The following PTPRG variants were observed in gnomAD, a reference collection of about 807,000 sequenced individuals.
The protein encoded by PTPRG is protein tyrosine phosphatase receptor type G.
In PTPRG, 102 loss-of-function variants were observed where a neutral mutation model predicts 165.3. That is an observed-to-expected ratio of 0.62 (90% CI 0.53 to 0.73). The LOEUF is 0.73. PTPRG is among the 30% of genes least tolerant of loss of function. PTPRG has a pLI of 0.00. For synonymous variants in PTPRG, 675 were observed against 669.5 expected, an observed-to-expected ratio of 1.01 and a Z score of -0.13; for missense variants, 1,866 against 1,861.4, an observed-to-expected ratio of 1.00 and a Z score of -0.05.
intron 1 of PTPRG, among the ~76,000 whole-genome samples, chr3:61,733,377 C>G (rs2032592340): frequency 6.6e-6 from 1 of 152,152 alleles, no homozygotes; most frequent in South Asian, 2.1e-4. Context: ...ATTCATTTCT[C>G]TGTCATGTGC....
chr3:61,855,324 A>C (rs548106975), intron 2 of PTPRG, among the ~76,000 whole-genome samples: 3 of 152,098 alleles, frequency 2.0e-5, no homozygotes, highest in Non-Finnish European at 4.4e-5. Flanking sequence ...TGGGTTTTGT[A>C]GTCATCTCAT....
chr3:61,676,193 C>T (rs1457836366), intron 1 of PTPRG, among the ~76,000 whole-genome samples: 1 of 151,986 alleles, frequency 6.6e-6, no homozygotes, highest in Non-Finnish European at 1.5e-5. Flanking sequence ...CACAGTGGCT[C>T]ACGCCTGTAA....
intron 1 of PTPRG, among the ~76,000 whole-genome samples, chr3:61,611,579 C>T (rs980229267): frequency 6.6e-6 from 1 of 152,072 alleles, no homozygotes; most frequent in Non-Finnish European, 1.5e-5. Flanking sequence ...TCTAGTGGGC[C>T]TTCAGTTTAT....
chr3:61,772,571 C>G (rs954375768), intron 2 of PTPRG, among the ~76,000 whole-genome samples: 1 of 152,030 alleles, frequency 6.6e-6, no homozygotes, highest in Non-Finnish European at 1.5e-5. Context: ...TGTACATACA[C>G]TCTTTTCTTT....
intron 7 of PTPRG, among the ~76,000 whole-genome samples, chr3:62,164,796 T>A (rs1316153368): frequency 6.6e-6 from 1 of 152,198 alleles, no homozygotes; most frequent in Non-Finnish European, 1.5e-5. Context: ...AGAAATAAAC[T>A]TTTTAGGAGA....
chr3:61,628,750 G>A (rs1701685336), intron 1 of PTPRG, among the ~76,000 whole-genome samples: 1 of 152,160 alleles, frequency 6.6e-6, no homozygotes, highest in Admixed American at 6.5e-5. Context: ...GAGGTGAACA[G>A]CTACCACTCA....
intron 1 of PTPRG, 119 bp from the exon 2 acceptor site, chr3:61,748,759 A>G: frequency 1.5e-6 from 1 of 686,524 alleles, no homozygotes; most frequent in Non-Finnish European, 2.4e-6. Flanking sequence ...AGTTGGTTCT[A>G]GTCAGTCATC....
intron 4 of PTPRG, among the ~76,000 whole-genome samples, chr3:62,026,369 T>G (rs2041804169): frequency 6.6e-6 from 1 of 152,178 alleles, no homozygotes; most frequent in African/African-American, 2.4e-5. Flanking sequence ...GCTCTTATGT[T>G]CCATGTGTCT....
At position 62,201,455 on chromosome 3, in the gene PTPRG, G is replaced by C. The variant is rs567328140; in HGVS notation, c.1328-50G>C. On this transcript the variant is annotated intron_variant, in intron 10 of 29. Coordinates refer to ENST00000474889, the MANE Select transcript of PTPRG (RefSeq NM_002841.4). ...TGTGTTCATAAGGAATATCTTGTTA[G>C]AGCCACAAAAAAAGTTATATTGCTT... 7.4e-5 allele frequency: 107 copies of C among 1,448,700 alleles called. 1 individual carries two copies. The Middle Eastern group carries it at 2.3e-3, about 31-fold the overall frequency. The allele number at this position is 1,448,700 out of a possible 1,614,324, so 89.7% of individuals were successfully genotyped here.
intron 1 of PTPRG, among the ~76,000 whole-genome samples, chr3:61,689,790 G>A (rs1004993163): frequency 1.3e-5 from 2 of 152,148 alleles, no homozygotes; most frequent in African/African-American, 4.8e-5. Context: ...CAAAATAGAA[G>A]AAATCTATCT....
In PTPRG at chr3:62,203,961, C is replaced by A; in HGVS notation, c.2155+11C>A. ...TCACTGTTAATCCAGGTAAGTGGTG[C>A]AGGTCTTCTTCGAGGGTTCCTGCTC... On this transcript the variant is annotated intron_variant, in intron 12 of 29. Coordinates refer to ENST00000474889, the MANE Select transcript of PTPRG (RefSeq NM_002841.4). This position sits in a 1 kb window ranked among gnomAD's most constrained non-coding sequence, Gnocchi z 6.4. 6.5e-7 allele frequency: 1 copy of A among 1,540,542 alleles called. No individual in the cohort carries two copies. The highest frequency in any genetic ancestry group is 1.2e-5 in the South Asian group (1 of 80,360).
rs545109838 is a variant in PTPRG, at chr3:62,217,243, G to T, written c.2156-1608G>T. Among the ~76,000 whole-genome samples the T allele has an allele frequency of 7.9e-5, 12 of 152,332 alleles. No individual in the cohort carries two copies. The highest frequency in any genetic ancestry group is 2.9e-4 in the African/African-American group (12 of 41,564). On this transcript the variant is annotated intron_variant, in intron 12 of 29. Coordinates refer to ENST00000474889, the MANE Select transcript of PTPRG (RefSeq NM_002841.4). This position sits in a 1 kb window ranked among gnomAD's most constrained non-coding sequence, Gnocchi z 4.3. Reference sequence around the variant, plus strand: ...CACTTTATAAATGGCAAAGTGCTCTGTGGAGGTTTTTAATCAGAGTGTGCT... The same window carrying T: ...CACTTTATAAATGGCAAAGTGCTCTTTGGAGGTTTTTAATCAGAGTGTGCT...
chr3:61,567,371 G>GCCTGTGCAAT (rs1699937096), intron 1 of PTPRG, among the ~76,000 whole-genome samples: 1 of 152,094 alleles, frequency 6.6e-6, no homozygotes, highest in Non-Finnish European at 1.5e-5. Context: ...GAATGAGGTT[G>GCCTGTGCAAT]CCTGTGCAAA....
chr3:61,565,285 C>T (rs1304582473), intron 1 of PTPRG, among the ~76,000 whole-genome samples: 1 of 152,136 alleles, frequency 6.6e-6, no homozygotes, highest in Non-Finnish European at 1.5e-5. Flanking sequence ...GTGATGCTTT[C>T]CAAGTGCAAA....
chr3:61,803,570 T>C (rs373864471), intron 2 of PTPRG, among the ~76,000 whole-genome samples: 1 of 138,028 alleles, frequency 7.2e-6, no homozygotes, highest in African/African-American at 2.9e-5. Context: ...TTTCAACTTA[T>C]GTTCACGTTT....
chr3:61,843,682 G>A (rs1156569140), intron 2 of PTPRG, among the ~76,000 whole-genome samples: 1 of 151,814 alleles, frequency 6.6e-6, no homozygotes, highest in Non-Finnish European at 1.5e-5. Context: ...TATTCTATCG[G>A]CAGGTTTCCA....
At chr3:61,906,148 G>A (rs2038643855) in intron 2 of PTPRG, among the ~76,000 whole-genome samples, 1 of 151,352 alleles carries the variant, frequency 6.6e-6, no homozygotes, top group East Asian at 1.9e-4. Flanking sequence ...TTAAGACCTT[G>A]GATTTAAAAA....
intron 28 of PTPRG, among the ~76,000 whole-genome samples, chr3:62,287,976 A>ATAAC (rs1445971118): frequency 1.3e-5 from 2 of 152,190 alleles, no homozygotes; most frequent in Non-Finnish European, 2.9e-5. Flanking sequence ...CCAAATCCTT[A>ATAAC]TAACTAGAAA....
intron 1 of PTPRG, among the ~76,000 whole-genome samples, chr3:61,674,119 GTGTATACCTA>G (rs1703131293): frequency 6.6e-6 from 1 of 151,472 alleles, no homozygotes; most frequent in Non-Finnish European, 1.5e-5. Context: ...ACCATGGCAC[GTGTATACCTA>G]TGTAACAAAC....
Sources: allele counts gnomAD v4.1 joint callset (sites outside exome capture counted in the v4.1 genomes callset), GRCh38; gene constraint gnomAD v4.1.1; non-coding constraint Gnocchi (gnomAD v3.1); transcripts MANE v1.5; gene names NCBI Gene and HGNC (gene_info 2026-07-23, HGNC 2026-07-21).